ASMT: variants seen among roughly 807,000 people sequenced by gnomAD.
ASMT encodes acetylserotonin N-methyltransferase.
In ASMT, 53 loss-of-function variants were observed where a neutral mutation model predicts 41.3. The ratio of observed to expected loss-of-function variants is 1.28; its 90% confidence interval spans 1.03 to 1.61. The LOEUF (loss-of-function observed/expected upper bound fraction) is 1.61. ASMT is among the 40% of genes most tolerant of loss of function. ASMT has a pLI of 0.00. For synonymous variants in ASMT, 231 were observed against 184.8 expected, an observed-to-expected ratio of 1.25 and a Z score of -2.03; for missense variants, 531 against 441.3, an observed-to-expected ratio of 1.20 and a Z score of -1.82.
intron 3 of ASMT, among the ~76,000 whole-genome samples, chrX:1,627,489 C>T (rs185232448): frequency 6.6e-5 from 10 of 151,698 alleles, no homozygotes; most frequent in South Asian, 2.1e-4. Flanking sequence ...GGCGTGGTGG[C>T]GGGCGCCTAT....
rs1198314526 is a variant in ASMT at position 1,623,523 on chromosome X, C to T, written c.244+210C>T. ...CTGAGGCAGGAGAATGGCATGAACC[C>T]GGGAGGCAGAGGTTGCAGTGAGCCG... On this transcript the variant is annotated intron_variant, in intron 2 of 8. Coordinates refer to ENST00000381241, the MANE Select transcript of ASMT (RefSeq NM_001171038.2). 5.3e-5 allele frequency among the ~76,000 whole-genome samples: 8 copies of T among 152,086 alleles called. No homozygotes were observed. In the East Asian group the frequency reaches 5.8e-4, roughly 11 times the overall value.
chrX:1,629,868 G>A lies in ASMT; in HGVS notation c.491G>A (p.Trp164Ter). Residue 164 changes from tryptophan (W) to a stop codon, truncating the protein, a stop_gained, in exon 5 of 9, where the codon TGG becomes TAG. Transcript: ENST00000381241. LOFTEE classifies it high-confidence loss of function. ...LQFMQALQEVWSVNGRSVLTA... is the reference protein window; with the variant it reads ...LQFMQALQEV ...TTCATGCAAGCTCTGCAGGAGGTCTGGAGCGTCAACGGGAGAAGCGTGCTG... is the reference window on the plus strand; with the variant it reads ...TTCATGCAAGCTCTGCAGGAGGTCTAGAGCGTCAACGGGAGAAGCGTGCTG... 6.2e-7 allele frequency: 1 copy of A among 1,613,994 alleles called. No individual in the cohort carries two copies. The highest frequency in any genetic ancestry group is 8.5e-7 in the Non-Finnish European group (1 of 1,179,880).
intron 5 of ASMT, among the ~76,000 whole-genome samples, chrX:1,630,929 G>A (rs1422574697): frequency 1.7e-5 from 2 of 118,586 alleles, no homozygotes; most frequent in South Asian, 4.9e-4. Flanking sequence ...TTTTTTTTTT[G>A]AGATGGAGTC....
At chrX:1,618,045 T>C (rs57468917) in intron 1 of ASMT, among the ~76,000 whole-genome samples, 16,912 of 151,542 alleles carry the variant, frequency 0.11, 1,089 homozygotes, top group East Asian at 0.32. Context: ...CCCCAGCCAC[T>C]GATACGCAGA....
At chrX:1,628,864 A>C (rs1207629385) in intron 4 of ASMT, among the ~76,000 whole-genome samples, 6 of 134,640 alleles carry the variant, frequency 4.5e-5, no homozygotes, top group African/African-American at 8.5e-5. Flanking sequence ...CATGCCCCGT[A>C]TTTCACCTCC....
At chrX:1,635,523 G>A (rs1208136640) in intron 7 of ASMT, among the ~76,000 whole-genome samples, 2 of 152,110 alleles carry the variant, frequency 1.3e-5, no homozygotes, top group Non-Finnish European at 2.9e-5. Context: ...GGCTTTGGGT[G>A]ATATCAGCAG....
At chrX:1,629,799 C>G (rs1934700692) in intron 4 of ASMT, 22 bp from the exon 5 acceptor site, 1 of 1,610,058 alleles carries the variant, frequency 6.2e-7, no homozygotes, top group African/African-American at 1.3e-5. Context: ...ACCATCTTGA[C>G]AAGCGTGGTT....
intron 8 of ASMT, among the ~76,000 whole-genome samples, chrX:1,636,939 GC>G (rs756303860): frequency 0.11 from 10,594 of 99,090 alleles, 863 homozygotes; most frequent in East Asian, 0.23. Context: ...CAGTGTCCCA[GC>G]TCTCCTGTGA....
chrX:1,642,873 C>T lies in ASMT; in HGVS notation c.981C>T (p.Tyr327=), dbSNP rs1935243470. Residue 327 remains tyrosine (Y), a synonymous_variant, in exon 9 of 9, where the codon TAC becomes TAT. Transcript: ENST00000381241. ...GAGGTCCTCTGCTCACGCAGCTCTA[C>T]TCTCTGAACATGCTTGTGCAGACGG... The part of the protein sequence containing the change: ...DRRGPLLTQL[Y]SLNMLVQTEG... The T allele has an allele frequency of 6.2e-7, 1 of 1,613,892 alleles. No individual in the cohort carries two copies. Among genetic ancestry groups the T allele is most frequent in the Non-Finnish European group, 8.5e-7 (1 of 1,179,884 alleles).
At chrX:1,632,361 G>A (rs1204293775) in intron 5 of ASMT, among the ~76,000 whole-genome samples, 1 of 151,886 alleles carries the variant, frequency 6.6e-6, no homozygotes, top group Non-Finnish European at 1.5e-5. Context: ...GATAAAAAAG[G>A]ATGAGTTCGG....
intron 1 of ASMT, among the ~76,000 whole-genome samples, chrX:1,618,604 T>A (rs1202085948): frequency 1.3e-5 from 2 of 151,060 alleles, no homozygotes; most frequent in Non-Finnish European, 2.9e-5. Flanking sequence ...TCCAGCTAAT[T>A]TTTTGTATTT....
intron 1 of ASMT, among the ~76,000 whole-genome samples, chrX:1,621,792 T>G (rs1300745649): frequency 3.3e-5 from 5 of 151,842 alleles, no homozygotes; most frequent in Non-Finnish European, 7.4e-5. Context: ...GCCTCCCGGG[T>G]GCAAGTGATT....
intron 1 of ASMT, among the ~76,000 whole-genome samples, chrX:1,619,106 A>C (rs1260502403): frequency 6.6e-6 from 1 of 152,116 alleles, no homozygotes; most frequent in Non-Finnish European, 1.5e-5. Flanking sequence ...AACATTTAGT[A>C]TACCCTTGGC....
intron 1 of ASMT, among the ~76,000 whole-genome samples, chrX:1,620,945 A>C (rs1934316560): frequency 6.6e-6 from 1 of 151,602 alleles, no homozygotes; most frequent in Non-Finnish European, 1.5e-5. Flanking sequence ...AAATACAAAA[A>C]TTTAGCCGGG....
intron 1 of ASMT, among the ~76,000 whole-genome samples, chrX:1,617,930 T>C (rs1392995580): frequency 1.3e-5 from 2 of 152,166 alleles, no homozygotes; most frequent in African/African-American, 2.4e-5. Flanking sequence ...GAACACCACA[T>C]CTTAGGAAGA....
chrX:1,619,312 T>G (rs1340326176), intron 1 of ASMT, among the ~76,000 whole-genome samples: 7 of 147,920 alleles, frequency 4.7e-5, no homozygotes, highest in Non-Finnish European at 1.0e-4. Context: ...GAGAATGGCG[T>G]GAACCCGGGA....
rs760101962 is a variant in ASMT at position 1,615,253 on chromosome X, C to T, written c.54C>T (p.Gly18=). 1 of 1,594,788 alleles carries T rather than the reference C, an allele frequency of 6.3e-7. No homozygotes were observed. The part of the protein sequence containing the change: ...AYRLLNDYAN[G]FMVSQVLFAA... ...GCCTCCTTAATGACTACGCCAACGGCTTCATGGTGTCCCAGGTAGGATACG... is the reference window on the plus strand; with the variant it reads ...GCCTCCTTAATGACTACGCCAACGGTTTCATGGTGTCCCAGGTAGGATACG... The change falls in exon 1 of 9, where the codon GGC becomes GGT. Residue 18 remains glycine (G), a synonymous_variant. Coordinates refer to ENST00000381241, the MANE Select transcript of ASMT (RefSeq NM_001171038.2).
At chrX:1,629,322 T>C (rs1934681599) in intron 4 of ASMT, among the ~76,000 whole-genome samples, 1 of 152,022 alleles carries the variant, frequency 6.6e-6, no homozygotes, top group East Asian at 1.9e-4. Flanking sequence ...GAGAGGGAGC[T>C]GTGGGGGGGG....
intron 7 of ASMT, 157 bp from the exon 8 acceptor site, chrX:1,636,280 TA>T: frequency 9.1e-7 from 1 of 1,100,396 alleles, no homozygotes; most frequent in Non-Finnish European, 1.4e-6. Flanking sequence ...ATCTTTCTCC[TA>T]AGCCTTTTTG....
Sources: gnomAD v4.1 joint callset for allele counts (sites outside exome capture counted in the v4.1 genomes callset) on GRCh38, gnomAD v4.1.1 for gene constraint, MANE v1.5 for transcripts, NCBI Gene and HGNC (gene_info 2026-07-23, HGNC 2026-07-21) for gene names.